The following CAPS2 variants were observed in gnomAD, a reference collection of about 807,000 sequenced individuals.
CAPS2 encodes calcyphosin-2.
Under a neutral mutation model 86.5 loss-of-function variants are expected in CAPS2, and 98 were observed. The ratio of observed to expected loss-of-function variants is 1.13; its 90% CI spans 0.96 to 1.34. The LOEUF is 1.34. Ranked by LOEUF, CAPS2 falls within the 40% of genes most tolerant of loss-of-function variation. CAPS2 has a pLI of 0.00. For synonymous variants in CAPS2, 210 were observed against 225.1 expected (o/e 0.93, Z 0.60); for missense variants, 729 against 686.8 (o/e 1.06, Z -0.69).
intron 1 of CAPS2, among the ~76,000 whole-genome samples, chr12:75,390,656 A>G (rs748604585): frequency 6.6e-6 from 1 of 152,230 alleles, no homozygotes; most frequent in Non-Finnish European, 1.5e-5. Flanking sequence ...TTGAATTTGT[A>G]TCTGTATCGC....
chr12:75,349,047 G>C lies in CAPS2; in HGVS notation c.-394-25825C>G, dbSNP rs866090884. Among the ~76,000 whole-genome samples, 10 of 152,294 alleles carry C rather than the reference G, an allele frequency of 6.6e-5. No individual in the cohort carries two copies. The South Asian group carries it at 1.7e-3, about 25-fold the overall frequency. On this transcript the variant is annotated intron_variant, in intron 1 of 5. Transcript: ENST00000551829. ...CAATACAGCTAGAGTTCACGGAAAA[G>C]AGTACCAGAGAAAAGAGAACTACAC...
intron 5 of CAPS2, among the ~76,000 whole-genome samples, chr12:75,320,128 TA>T (rs2138974249): frequency 6.6e-6 from 1 of 152,262 alleles, no homozygotes; most frequent in East Asian, 1.9e-4. Flanking sequence ...AATTTATGTG[TA>T]TATTGGCTTC....
chr12:75,389,067 C>G (rs917995747), intron 1 of CAPS2, among the ~76,000 whole-genome samples: 1 of 152,120 alleles, frequency 6.6e-6, no homozygotes. Context: ...TTTGATTTCT[C>G]TTTTTCTCAG....
chr12:75,331,588 G>C (rs2041311173), upstream of CAPS2, among the ~76,000 whole-genome samples: 1 of 151,148 alleles, frequency 6.6e-6, no homozygotes, highest in African/African-American at 2.4e-5. Context: ...TTTTGAGACG[G>C]AGTCTCGCTC....
At chr12:75,329,994 C>A (rs1355245055), upstream of CAPS2, 11 of 718,076 alleles carry the variant, frequency 1.5e-5, no homozygotes. Flanking sequence ...TAGCGCGATT[C>A]CTCCAAAAAC....
intron 1 of CAPS2, among the ~76,000 whole-genome samples, chr12:75,381,529 CT>C (rs201207445): frequency 0.37 from 44,137 of 118,232 alleles, 7,715 homozygotes; most frequent in East Asian, 0.49. Context: ...GTTATTTAGA[CT>C]TTTTTTTTTT....
Position 75,363,239 on chromosome 12 carries a change from A to C in CAPS2, c.-395+27599T>G, listed in dbSNP as rs989016639. The C allele has an allele frequency of 7.0e-6, 6 of 858,732 alleles. No individual in the cohort carries two copies. The African/African-American group carries it at 1.1e-4, about 15-fold the overall frequency. The allele number at this position is 858,732 out of a possible 1,614,324, so 53.2% of individuals were successfully genotyped here. ...ATTACATTTAGAGAGTAAAGTTTCC[A>C]TATATTTATTAAATTTTAAAATTTG... On this transcript the variant is annotated intron_variant, in intron 1 of 5. Coordinates refer to the CAPS2 transcript ENST00000551829.
intron 1 of CAPS2, among the ~76,000 whole-genome samples, chr12:75,326,205 C>G (rs952779137): frequency 2.0e-5 from 3 of 151,862 alleles, no homozygotes; most frequent in Non-Finnish European, 1.5e-5. Flanking sequence ...AATAATAATA[C>G]AATAAGTTTA....
At chr12:75,325,181 C>T in intron 2 of CAPS2, 58 bp downstream of exon 3, 1 of 1,449,976 alleles carries the variant, frequency 6.9e-7, no homozygotes, top group Non-Finnish European at 9.2e-7. Flanking sequence ...TTTAACTAGT[C>T]AATGTATGTT....
chr12:75,284,682 T>A (rs1380187617), intron 15 of CAPS2, among the ~76,000 whole-genome samples: 1 of 152,102 alleles, frequency 6.6e-6, no homozygotes, highest in East Asian at 1.9e-4. Context: ...GCTAGTCATT[T>A]ATGGAGGCAA....
intron 1 of CAPS2, chr12:75,359,762 T>C (rs1245048384): frequency 6.6e-6 from 1 of 152,124 alleles, no homozygotes; most frequent in Non-Finnish European, 1.5e-5. Flanking sequence ...TAAATCATAC[T>C]GGAACAATTA....
At chr12:75,280,122 G>A (rs916888727) in intron 16 of CAPS2, among the ~76,000 whole-genome samples, 7 of 151,324 alleles carry the variant, frequency 4.6e-5, no homozygotes, top group African/African-American at 1.7e-4. Flanking sequence ...AAATACATTT[G>A]GGATATACCA....
At chr12:75,343,843 A>T in intron 1 of CAPS2, 1 of 1,612,990 alleles carries the variant, frequency 6.2e-7, no homozygotes, top group South Asian at 1.1e-5. Context: ...AAAGTCATTC[A>T]CACCAAGACA....
chr12:75,339,502 G>A (rs2139284817), intron 1 of CAPS2, among the ~76,000 whole-genome samples: 1 of 152,272 alleles, frequency 6.6e-6, no homozygotes, highest in African/African-American at 2.4e-5. Flanking sequence ...ACCTTGGTCA[G>A]ATGGATAGAT....
intron 7 of CAPS2, among the ~76,000 whole-genome samples, chr12:75,311,680 A>C (rs2039183571): frequency 7.1e-6 from 1 of 139,950 alleles, no homozygotes. Flanking sequence ...GTCACGTGTC[A>C]CGTGCAGGAA....
intron 1 of CAPS2, chr12:75,347,743 A>G (rs774874198): frequency 9.8e-5 from 145 of 1,477,028 alleles, no homozygotes; most frequent in Non-Finnish European, 1.3e-4. Context: ...TTCTCTTAAA[A>G]ATATTTTAAT....
intron 1 of CAPS2, among the ~76,000 whole-genome samples, chr12:75,379,629 A>G (rs2044847774): frequency 6.6e-6 from 1 of 152,088 alleles, no homozygotes; most frequent in African/African-American, 2.4e-5. Context: ...TAAGTAGTGC[A>G]TTTTTCAGGA....
At chr12:75,324,620 A>C (rs1224148039) in intron 2 of CAPS2, among the ~76,000 whole-genome samples, 1 of 152,096 alleles carries the variant, frequency 6.6e-6, no homozygotes, top group African/African-American at 2.4e-5. Flanking sequence ...ATAAATGTTG[A>C]TGTTTATTCA....
At chr12:75,365,472 T>C (rs2043902325) in intron 1 of CAPS2, among the ~76,000 whole-genome samples, 2 of 152,212 alleles carry the variant, frequency 1.3e-5, no homozygotes, top group Non-Finnish European at 2.9e-5. Flanking sequence ...TAATTCCTTT[T>C]ACCTTCTTTT....
Sources: allele counts gnomAD v4.1 joint callset (sites outside exome capture counted in the v4.1 genomes callset), GRCh38; gene constraint gnomAD v4.1.1; transcripts MANE v1.5; gene names NCBI Gene and HGNC (gene_info 2026-07-23, HGNC 2026-07-21).